The following AKR1D1 variants were observed in gnomAD, a reference collection of about 807,000 sequenced individuals.
AKR1D1 encodes delta(4)-3-ketosteroid 5-beta-reductase.
In AKR1D1, 32 loss-of-function variants were observed where a neutral mutation model predicts 42.6. The observed-to-expected ratio is 0.75, with a 90% CI of 0.57 to 1.01. The LOEUF (loss-of-function observed/expected upper bound fraction) is 1.01, where lower values mean the gene tolerates loss of function less well. Among genes scored for constraint, AKR1D1 ranks in the 50% least tolerant of loss-of-function variants. The pLI is 0.00. For missense variants in AKR1D1, 364 were observed against 402.2 expected, an observed-to-expected ratio of 0.91 and a Z score of 0.81; for synonymous variants, 123 against 135.5, an observed-to-expected ratio of 0.91 and a Z score of 0.64.
intron 1 of AKR1D1, among the ~76,000 whole-genome samples, chr7:138,076,913 G>A (rs1216011235): frequency 6.6e-6 from 1 of 152,112 alleles, no homozygotes; most frequent in Non-Finnish European, 1.5e-5. Context: ...TGAAATTCGT[G>A]TGTTTATGAC....
chr7:138,116,223 T>G (rs1444764517), intron 8 of AKR1D1, among the ~76,000 whole-genome samples: 1 of 151,954 alleles, frequency 6.6e-6, no homozygotes, highest in African/African-American at 2.4e-5. Flanking sequence ...AGGGTGACAC[T>G]GGTAATAAGA....
In AKR1D1 at chr7:138,105,420, C is replaced by A. The variant is rs760593011; in HGVS notation, c.570C>A (p.Val190=). Residue 190 remains valine, a synonymous_variant, in exon 5 of 9, where the codon GTC becomes GTA. Coordinates refer to ENST00000242375, the MANE Select transcript of AKR1D1 (RefSeq NM_005989.4). ...LNKPGLKHKP[V]SNQVECHPYF... ...AGCCAGGACTCAAACACAAGCCAGT[C>A]AGCAACCAGGTACAGCCTAATAGCT... is the stretch of plus-strand genomic sequence containing the variant. 1.1e-5 allele frequency: 18 copies of A among 1,613,848 alleles called. No homozygotes were observed. The highest frequency in any genetic ancestry group is 1.5e-5 in the Non-Finnish European group (18 of 1,180,000).
chr7:138,108,871 T>A (rs1794483473), intron 7 of AKR1D1, among the ~76,000 whole-genome samples: 1 of 152,226 alleles, frequency 6.6e-6, no homozygotes, highest in Non-Finnish European at 1.5e-5. Flanking sequence ...ATTTAACCAC[T>A]CCACAATTTA....
intron 4 of AKR1D1, 138 bp downstream of exon 4, chr7:138,098,081 A>G (rs993214274): frequency 8.1e-6 from 6 of 743,322 alleles, no homozygotes; most frequent in South Asian, 3.0e-5. Context: ...ATTCCTAACC[A>G]TAAGTACAGG....
chr7:138,079,923 G>A (rs1803018076), intron 1 of AKR1D1, among the ~76,000 whole-genome samples: 1 of 152,082 alleles, frequency 6.6e-6, no homozygotes, highest in African/African-American at 2.4e-5. Context: ...TCTCCAACTG[G>A]GGCTTGCCAT....
Position 138,091,815 on chromosome 7 carries a change from G to A in AKR1D1, c.309G>A (p.Glu103=). 6.2e-7 allele frequency: 1 copy of A among 1,614,144 alleles called. No homozygotes were observed. The highest frequency in any genetic ancestry group is 8.5e-7 in the Non-Finnish European group (1 of 1,180,018). Residue 103 remains glutamate, a synonymous_variant, in exon 3 of 9, where the codon GAG becomes GAA. Coordinates refer to ENST00000242375, the MANE Select transcript of AKR1D1 (RefSeq NM_005989.4). ...HVPEMVRPTL[E]RTLRVLQLDY... ...CAGAGATGGTCCGCCCAACCCTGGA[G>A]AGGACACTCAGGGTCCTCCAGCTAG... is the stretch of plus-strand genomic sequence containing the variant.
chr7:138,087,555 A>G (rs925216550), intron 1 of AKR1D1, among the ~76,000 whole-genome samples: 2 of 152,230 alleles, frequency 1.3e-5, no homozygotes, highest in Admixed American at 1.3e-4. Flanking sequence ...ACTGACATAT[A>G]ATAAACTGTC....
At chr7:138,088,850 G>GTGTA (rs2117428261) in intron 2 of AKR1D1, 82 bp downstream of exon 2, 1 of 1,433,414 alleles carries the variant, frequency 7.0e-7, no homozygotes, top group Non-Finnish European at 9.5e-7. Flanking sequence ...CCGTGTGTGT[G>GTGTA]TGTGTGTAAT....
At chr7:138,113,840 G>A in intron 8 of AKR1D1, 68 bp downstream of exon 8, 1 of 1,436,038 alleles carries the variant, frequency 7.0e-7, no homozygotes, top group East Asian at 2.3e-5. Flanking sequence ...AAGCAACAAG[G>A]CTCATAAGAA....
intron 7 of AKR1D1, among the ~76,000 whole-genome samples, chr7:138,108,056 A>C (rs1794468677): frequency 6.6e-6 from 1 of 152,170 alleles, no homozygotes; most frequent in African/African-American, 2.4e-5. Context: ...TGAGTGAATA[A>C]AATTTGGAAT....
chr7:138,093,135 C>T lies in AKR1D1; in HGVS notation c.378+1251C>T, dbSNP rs568067329. ...CCAGGCTGAAGTGCAGTGGTGCCAT[C>T]TCGGCTCACTGCAACTTCCGCCTCC... On this transcript the variant is annotated intron_variant, in intron 3 of 8. Transcript: ENST00000242375. 3.4e-5 allele frequency among the ~76,000 whole-genome samples: 5 copies of T among 148,144 alleles called. 1 individual carries two copies. Among genetic ancestry groups the T allele is most frequent in the African/African-American group, 1.0e-4 (4 of 39,782 alleles).
At chr7:138,085,620 T>C (rs537741528) in intron 1 of AKR1D1, among the ~76,000 whole-genome samples, 2 of 151,926 alleles carry the variant, frequency 1.3e-5, no homozygotes, top group East Asian at 3.9e-4. Flanking sequence ...ACATTTTGTA[T>C]TTTTTAGTAG....
intron 1 of AKR1D1, among the ~76,000 whole-genome samples, chr7:138,081,143 C>A (rs1803047918): frequency 6.6e-6 from 1 of 152,178 alleles, no homozygotes; most frequent in South Asian, 2.1e-4. Flanking sequence ...CTTCTCTGAG[C>A]TTCCTGAGCC....
At chr7:138,086,035 C>T (rs1257634628) in intron 1 of AKR1D1, among the ~76,000 whole-genome samples, 1 of 151,924 alleles carries the variant, frequency 6.6e-6, no homozygotes, top group Admixed American at 6.6e-5. Context: ...CATGGCAAAA[C>T]CCCATCTCTA....
At chr7:138,112,227 A>G (rs1456508347) in intron 7 of AKR1D1, among the ~76,000 whole-genome samples, 1 of 152,174 alleles carries the variant, frequency 6.6e-6, no homozygotes, top group Non-Finnish European at 1.5e-5. Context: ...AGTGTTTAGC[A>G]AAAAAGAAGT....
chr7:138,117,091 A>G lies in AKR1D1; in HGVS notation c.*429A>G. 3.0e-5 allele frequency: 5 copies of G among 164,232 alleles called. No individual in the cohort carries two copies. The highest frequency in any genetic ancestry group is 5.9e-5 in the Admixed American group (1 of 16,952). The allele number at this position is 164,232 out of a possible 1,614,324, so 10.2% of individuals were successfully genotyped here. A position where few individuals can be genotyped will look rare whatever the true frequency, so the allele number is the denominator to read the frequency against. ...CTTGAGGCTTTGGACCATTGGTTAC[A>G]AAACAGACACAGCCAAGATAAGATC... On this transcript the variant is annotated 3_prime_UTR_variant, in exon 9 of 9. Transcript: ENST00000242375.
Position 138,098,027 on chromosome 7 carries a change from G to A in AKR1D1, c.456+84G>A, listed in dbSNP as rs1018822275. 21 of 1,048,140 alleles carry A rather than the reference G, an allele frequency of 2.0e-5. No individual in the cohort carries two copies. The African/African-American group carries it at 3.1e-4, about 16-fold the overall frequency. 64.9% of individuals were successfully genotyped at this position (1,048,140 alleles called of 1,614,324 possible). A position where few individuals can be genotyped will look rare whatever the true frequency, so the allele number is the denominator to read the frequency against. ...TATTCCTGTCATATTTATGGAGAGA[G>A]ATGCACCCTTTACTTTCAATGAAAA... On this transcript the variant is annotated intron_variant, in intron 4 of 8. Coordinates refer to ENST00000242375, the MANE Select transcript of AKR1D1 (RefSeq NM_005989.4).
chr7:138,116,020 G>C (rs1376373900), intron 8 of AKR1D1, among the ~76,000 whole-genome samples: 2 of 151,998 alleles, frequency 1.3e-5, no homozygotes, highest in African/African-American at 4.8e-5. Context: ...TTCAGCCCAG[G>C]AGTTCAGCTT....
At chr7:138,099,031 C>A (rs1259622825) in intron 4 of AKR1D1, among the ~76,000 whole-genome samples, 1 of 152,078 alleles carries the variant, frequency 6.6e-6, no homozygotes, top group East Asian at 1.9e-4. Flanking sequence ...CGATGTGATT[C>A]CAAACTCCAA....
Sources: gnomAD v4.1 joint callset for allele counts (sites outside exome capture counted in the v4.1 genomes callset) on GRCh38, gnomAD v4.1.1 for gene constraint, MANE v1.5 for transcripts, NCBI Gene and HGNC (gene_info 2026-07-23, HGNC 2026-07-21) for gene names.